Variants in GRID2 observed in about 807,000 individuals in gnomAD.
GRID2 encodes glutamate ionotropic receptor delta type subunit 2.
A neutral mutation model predicts 114.8 loss-of-function variants in GRID2; 33 were observed. That is an observed-to-expected ratio of 0.29 (90% confidence interval 0.22 to 0.38). The LOEUF is 0.38. Ranked by LOEUF, GRID2 falls within the 10% of genes least tolerant of loss-of-function variation. The pLI is 1.00. For missense variants in GRID2, 1,184 were observed against 1,257.7 expected (o/e 0.94, Z 0.89); for synonymous variants, 505 against 449.9 (o/e 1.12, Z -1.55).
At chr4:93,600,050 G>T (rs1739510231) in intron 13 of GRID2, among the ~76,000 whole-genome samples, 1 of 152,160 alleles carries the variant, frequency 6.6e-6, no homozygotes, top group Non-Finnish European at 1.5e-5. Context: ...TAACTTAGCT[G>T]CCATATACCA....
chr4:93,624,422 T>C (rs1742504886), intron 13 of GRID2, among the ~76,000 whole-genome samples: 1 of 152,190 alleles, frequency 6.6e-6, no homozygotes, highest in Non-Finnish European at 1.5e-5. Context: ...TTAATGGCAA[T>C]GCAAAGAGAG....
chr4:92,943,331 A>T (rs560417661), intron 2 of GRID2, among the ~76,000 whole-genome samples: 1 of 151,790 alleles, frequency 6.6e-6, no homozygotes, highest in South Asian at 2.1e-4. Context: ...CATTCATTTC[A>T]TCTTCCATCA....
rs190352813 is a variant in GRID2 at position 93,743,305 on chromosome 4, G to T, written c.2361-25905G>T. Among the ~76,000 whole-genome samples, 357 of 152,272 alleles carry T rather than the reference G, an allele frequency of 2.3e-3. 3 individuals are homozygous for T. Among genetic ancestry groups the T allele is most frequent in the African/African-American group, 8.2e-3 (340 of 41,558 alleles). Reference sequence around the variant, plus strand: ...GAAGCCATCTCCATAACATAAAAGTGCAGGGTAAAGCCACGGGTGCTAACA... The same window carrying T: ...GAAGCCATCTCCATAACATAAAAGTTCAGGGTAAAGCCACGGGTGCTAACA... On this transcript the variant is annotated intron_variant, in intron 14 of 15. Coordinates refer to ENST00000282020, the MANE Select transcript of GRID2 (RefSeq NM_001510.4).
intron 8 of GRID2, among the ~76,000 whole-genome samples, chr4:93,364,397 T>C (rs2149279980): frequency 6.6e-6 from 1 of 152,278 alleles, no homozygotes; most frequent in East Asian, 1.9e-4. Flanking sequence ...TTAGAAAATT[T>C]TTCTTCCATT....
chr4:93,243,115 TG>T (rs1747737439), intron 8 of GRID2, among the ~76,000 whole-genome samples: 1 of 152,062 alleles, frequency 6.6e-6, no homozygotes, highest in Non-Finnish European at 1.5e-5. Context: ...AAATTTTTTT[TG>T]CATTGTTTTA....
intron 1 of GRID2, among the ~76,000 whole-genome samples, chr4:92,455,145 GAAA>G (rs1464117776): frequency 6.6e-6 from 1 of 152,056 alleles, no homozygotes; most frequent in Non-Finnish European, 1.5e-5. Context: ...CCATATCTTT[GAAA>G]GGCACTAGAA....
chr4:92,773,788 A>C (rs77858823), intron 2 of GRID2, among the ~76,000 whole-genome samples: 3,726 of 152,186 alleles, frequency 0.024, 102 homozygotes, highest in East Asian at 0.12. Context: ...AAAAACAATA[A>C]AATGTAAAGT....
chr4:92,622,764 C>G (rs1053778875), intron 2 of GRID2, among the ~76,000 whole-genome samples: 3 of 151,698 alleles, frequency 2.0e-5, no homozygotes, highest in Non-Finnish European at 4.4e-5. Context: ...ATTCCTGCCT[C>G]TGACTCTTAG....
chr4:92,350,347 A>T (rs1350780138), intron 1 of GRID2, among the ~76,000 whole-genome samples: 1 of 151,790 alleles, frequency 6.6e-6, no homozygotes, highest in African/African-American at 2.4e-5. Flanking sequence ...AAAGAATTTA[A>T]CTTGATATCA....
intron 2 of GRID2, among the ~76,000 whole-genome samples, chr4:92,712,967 T>C (rs1250536973): frequency 6.6e-6 from 1 of 152,046 alleles, no homozygotes. Flanking sequence ...ATATTTTGGA[T>C]TTGCATTTGA....
intron 1 of GRID2, among the ~76,000 whole-genome samples, chr4:92,582,741 T>C (rs1385815587): frequency 1.3e-5 from 2 of 151,838 alleles, no homozygotes; most frequent in Non-Finnish European, 2.9e-5. Context: ...GGTACAGTGA[T>C]AGTATAGTTT....
intron 8 of GRID2, among the ~76,000 whole-genome samples, chr4:93,274,820 C>A (rs1751871909): frequency 6.6e-6 from 1 of 152,012 alleles, no homozygotes; most frequent in Non-Finnish European, 1.5e-5. Flanking sequence ...AAAGTCTAGT[C>A]TCTGAATTTT....
At chr4:93,212,322 T>C (rs1177793155) in intron 5 of GRID2, among the ~76,000 whole-genome samples, 2 of 152,182 alleles carry the variant, frequency 1.3e-5, no homozygotes, top group Admixed American at 6.6e-5. Context: ...TAGAAATTAA[T>C]GTAGAAACTT....
At chr4:92,952,917 T>C (rs1403161090) in intron 2 of GRID2, among the ~76,000 whole-genome samples, 1 of 152,218 alleles carries the variant, frequency 6.6e-6, no homozygotes, top group East Asian at 1.9e-4. Context: ...AGCAGAGGTA[T>C]GCTGCCACTG....
rs187650942 is a variant in GRID2, at chr4:93,406,826, C to T, written c.1347+11118C>T. On this transcript the variant is annotated intron_variant, in intron 9 of 15. Coordinates refer to ENST00000282020, the MANE Select transcript of GRID2 (RefSeq NM_001510.4). ...CAGTTTTTTGTTAGGAAGCTGCACG[C>T]TCATCTTCCCCTTCTGAGCTCCAAG... Among the ~76,000 whole-genome samples, 94 of 152,244 alleles carry T rather than the reference C, an allele frequency of 6.2e-4. No homozygotes were observed. The Middle Eastern group carries it at 0.02, about 33-fold the overall frequency.
intron 2 of GRID2, among the ~76,000 whole-genome samples, chr4:92,689,302 C>T (rs1028658940): frequency 6.6e-6 from 1 of 152,214 alleles, no homozygotes. Flanking sequence ...ACTGACTTCT[C>T]CTCTCTAGCT....
intron 2 of GRID2, among the ~76,000 whole-genome samples, chr4:93,073,294 G>A (rs551792021): frequency 6.6e-6 from 1 of 152,290 alleles, no homozygotes; most frequent in Admixed American, 6.5e-5. Flanking sequence ...ATTTCAGACA[G>A]ACAATTTATC....
intron 2 of GRID2, among the ~76,000 whole-genome samples, chr4:93,044,912 T>C (rs925637184): frequency 6.6e-6 from 1 of 152,134 alleles, no homozygotes; most frequent in Non-Finnish European, 1.5e-5. Flanking sequence ...GTTATGGCTT[T>C]AGGACACTCA....
intron 10 of GRID2, among the ~76,000 whole-genome samples, chr4:93,430,200 A>C (rs1490517264): frequency 6.6e-6 from 1 of 152,120 alleles, no homozygotes; most frequent in Admixed American, 6.5e-5. Context: ...ATTTATTTAG[A>C]GATGGAGTCC....
Sources: gnomAD v4.1 joint callset for allele counts (sites outside exome capture counted in the v4.1 genomes callset) on GRCh38, gnomAD v4.1.1 for gene constraint, MANE v1.5 for transcripts, NCBI Gene and HGNC (gene_info 2026-07-23, HGNC 2026-07-21) for gene names.